ATP10B: variants seen among roughly 807,000 people sequenced by gnomAD.
ATP10B encodes the protein ATPase phospholipid transporting 10B (putative).
Under a neutral mutation model 141.2 loss-of-function variants are expected in ATP10B, and 122 were observed. The observed-to-expected ratio is 0.86, with a 90% CI of 0.75 to 1.00. The LOEUF (loss-of-function observed/expected upper bound fraction) is 1.00, where lower values mean the gene tolerates loss of function less well. Ranked by LOEUF, ATP10B falls within the 50% of genes least tolerant of loss-of-function variation. The probability of loss-of-function intolerance (pLI) is 0.00; values close to 1 mark genes in which losing one functional copy is unlikely to be tolerated. For synonymous variants in ATP10B, 685 were observed against 692.0 expected (o/e 0.99, Z 0.16); for missense variants, 1,876 against 1,825.3 (o/e 1.03, Z -0.51).
At chr5:160,918,333 AG>A in the ATP10B span, among the ~76,000 whole-genome samples, 1 of 152,222 alleles carries the variant, frequency 6.6e-6, no homozygotes, top group South Asian at 2.1e-4. Context: ...ACACATAAAC[AG>A]GGGGCTTGAT....
At chr5:160,830,006 A>T (rs1193914604) in intron 1 of ATP10B, among the ~76,000 whole-genome samples, 1 of 151,964 alleles carries the variant, frequency 6.6e-6, no homozygotes, top group Non-Finnish European at 1.5e-5. Flanking sequence ...GAGTGGTGGG[A>T]GTGGGCATCC....
intron 1 of ATP10B, among the ~76,000 whole-genome samples, chr5:160,824,265 C>T (rs1401340004): frequency 6.6e-6 from 1 of 152,130 alleles, no homozygotes; most frequent in Non-Finnish European, 1.5e-5. Context: ...ATCCAACCAC[C>T]TCAGCCTCCC....
chr5:160,797,321 A>G (rs1772017454), intron 1 of ATP10B, among the ~76,000 whole-genome samples: 1 of 152,122 alleles, frequency 6.6e-6, no homozygotes, highest in South Asian at 2.1e-4. Flanking sequence ...CATCAGTACC[A>G]GCTCCCCTTT....
At position 160,620,508 on chromosome 5, in the gene ATP10B, T is replaced by G. The variant is rs779125274; in HGVS notation, c.2255A>C (p.Gln752Pro). Residue 752 changes from glutamine (Q) to proline (P), a missense_variant, in exon 15 of 26, where the codon CAG becomes CCG. Coordinates refer to ENST00000327245, the MANE Select transcript of ATP10B (RefSeq NM_025153.3). The part of the protein sequence containing the change: ...TPEQVTVRLP[Q>P]GTCLTFSLLC... ...GAGGCTGAAGGTGAGGCAGGTGCCCTGGGGCAGGCGCACAGTCACCTGCTC... is the reference window on the plus strand; with the variant it reads ...GAGGCTGAAGGTGAGGCAGGTGCCCGGGGGCAGGCGCACAGTCACCTGCTC... 6.2e-7 allele frequency: 1 copy of G among 1,614,148 alleles called. No individual in the cohort carries two copies. Among genetic ancestry groups the G allele is most frequent in the East Asian group, 2.2e-5 (1 of 44,870 alleles).
At chr5:160,604,380 C>T (rs1757263512) in intron 19 of ATP10B, among the ~76,000 whole-genome samples, 1 of 152,066 alleles carries the variant, frequency 6.6e-6, no homozygotes, top group South Asian at 2.1e-4. Context: ...TACTGATGAG[C>T]AAATGGAGAA....
At chr5:160,573,443 T>G (rs1409820127) in intron 24 of ATP10B, among the ~76,000 whole-genome samples, 1 of 152,194 alleles carries the variant, frequency 6.6e-6, no homozygotes, top group African/African-American at 2.4e-5. Flanking sequence ...TTTTATACTT[T>G]AAAGAAGAGG....
intron 7 of ATP10B, among the ~76,000 whole-genome samples, chr5:160,663,643 G>A (rs1310721236): frequency 6.8e-6 from 1 of 146,304 alleles, no homozygotes; most frequent in Non-Finnish European, 1.5e-5. Flanking sequence ...CTGTTGTGGG[G>A]TGGGGAGAGC....
intron 1 of ATP10B, among the ~76,000 whole-genome samples, chr5:160,847,661 A>G (rs1451343974): frequency 6.6e-6 from 1 of 152,182 alleles, no homozygotes; most frequent in Non-Finnish European, 1.5e-5. Context: ...ATTTGATTGA[A>G]TTTTTCAGAA....
At chr5:160,740,103 A>G (rs1313509078) in intron 2 of ATP10B, among the ~76,000 whole-genome samples, 2 of 152,262 alleles carry the variant, frequency 1.3e-5, no homozygotes, top group East Asian at 3.8e-4. Flanking sequence ...AGACCCATTA[A>G]TAAATGCTAA....
At chr5:160,837,217 A>G (rs906446349) in intron 1 of ATP10B, among the ~76,000 whole-genome samples, 1 of 152,180 alleles carries the variant, frequency 6.6e-6, no homozygotes, top group African/African-American at 2.4e-5. Flanking sequence ...TTAAAAGCAG[A>G]TATTACAAAA....
At chr5:160,702,448 C>T (rs778300708) in intron 3 of ATP10B, among the ~76,000 whole-genome samples, 7 of 152,110 alleles carry the variant, frequency 4.6e-5, no homozygotes, top group East Asian at 3.9e-4. Flanking sequence ...TGCAAAATAA[C>T]GTCAATATAA....
At chr5:160,584,677 C>T (rs1755776610) in intron 24 of ATP10B, among the ~76,000 whole-genome samples, 1 of 152,118 alleles carries the variant, frequency 6.6e-6, no homozygotes, top group African/African-American at 2.4e-5. Flanking sequence ...GCATAAATTA[C>T]CTACCTATTG....
chr5:160,812,897 C>T (rs1412353635), intron 1 of ATP10B, among the ~76,000 whole-genome samples: 1 of 152,126 alleles, frequency 6.6e-6, no homozygotes, highest in African/African-American at 2.4e-5. Context: ...TATTCAAGCA[C>T]AAGAAGGTTG....
chr5:160,715,543 C>G (rs1045286257), intron 3 of ATP10B, among the ~76,000 whole-genome samples: 144 of 148,612 alleles, frequency 9.7e-4, no homozygotes, highest in Non-Finnish European at 1.8e-3. Flanking sequence ...GAACCCGGTA[C>G]CTCAGATGGA....
intron 25 of ATP10B, among the ~76,000 whole-genome samples, chr5:160,566,713 C>T (rs1007072915): frequency 2.6e-5 from 4 of 152,150 alleles, no homozygotes; most frequent in South Asian, 2.1e-4. Flanking sequence ...TATAACTATG[C>T]GGTGTATGGA....
chr5:160,598,085 A>G lies in ATP10B; in HGVS notation c.3564+685T>C, dbSNP rs192030067. ...ATCATGCTGCTATAAAGACACATGC[A>G]CACATATGTTGTTGCGGCACTACTC... On this transcript the variant is annotated intron_variant, in intron 22 of 25. Coordinates refer to ENST00000327245, the MANE Select transcript of ATP10B (RefSeq NM_025153.3). Among the ~76,000 whole-genome samples the G allele has an allele frequency of 9.7e-3, 1,413 of 145,600 alleles. 24 individuals carry two copies. The highest frequency in any genetic ancestry group is 0.034 in the African/African-American group (1,333 of 39,630).
intron 22 of ATP10B, among the ~76,000 whole-genome samples, chr5:160,592,377 T>C (rs1177685041): frequency 6.6e-6 from 1 of 152,180 alleles, no homozygotes; most frequent in Non-Finnish European, 1.5e-5. Context: ...GCTCTTCCCC[T>C]TCGACTAGGG....
intron 25 of ATP10B, among the ~76,000 whole-genome samples, chr5:160,567,058 G>A (rs143395840): frequency 2.5e-3 from 378 of 152,262 alleles, no homozygotes; most frequent in Middle Eastern, 0.02. Context: ...TAGGGGCCAT[G>A]TATGTGTCCC....
intron 1 of ATP10B, among the ~76,000 whole-genome samples, chr5:160,786,531 A>C (rs1360626993): frequency 6.6e-6 from 1 of 152,148 alleles, no homozygotes; most frequent in Non-Finnish European, 1.5e-5. Flanking sequence ...CAGGGTGGGA[A>C]AATTCAAGAC....
Sources: allele counts gnomAD v4.1 joint callset (sites outside exome capture counted in the v4.1 genomes callset), GRCh38; gene constraint gnomAD v4.1.1; transcripts MANE v1.5; gene names NCBI Gene and HGNC (gene_info 2026-07-23, HGNC 2026-07-21).